Variants in NREP observed in about 807,000 individuals in gnomAD.
The protein encoded by NREP is neuronal regeneration related protein.
A neutral mutation model predicts 8.6 loss-of-function variants in NREP; 5 were observed. The observed-to-expected ratio is 0.58, with a 90% CI of 0.30 to 1.22. The LOEUF is 1.22. Among genes scored for constraint, NREP ranks in the 50% most tolerant of loss-of-function variants. NREP has a pLI of 0.07. For synonymous variants in NREP, 27 were observed against 28.0 expected (o/e 0.96, Z 0.11); for missense variants, 86 against 82.5 (o/e 1.04, Z -0.17).
chr5:111,886,404 G>T lies in NREP; in HGVS notation c.135+88870C>A, dbSNP rs1404277808. Reference sequence around the variant, plus strand: ...GTAAACTAGTTCAGCCATTGTGGAAGTCAGTGTGGTGATTCCTCAGGGATC... The same window carrying T: ...GTAAACTAGTTCAGCCATTGTGGAATTCAGTGTGGTGATTCCTCAGGGATC... On this transcript the variant is annotated intron_variant, in intron 2 of 3. Transcript: ENST00000395634. 3.3e-5 allele frequency among the ~76,000 whole-genome samples: 5 copies of T among 152,170 alleles called. No individual in the cohort carries two copies. In the East Asian group the frequency reaches 9.6e-4, roughly 29 times the overall value.
chr5:111,883,775 C>T (rs185286880), intron 2 of NREP, among the ~76,000 whole-genome samples: 8,783 of 151,998 alleles, frequency 0.058, 600 homozygotes, highest in East Asian at 0.23. Context: ...TTGAAACCAA[C>T]GAGAACAAAG....
At chr5:111,939,038 G>A (rs1437999118) in intron 2 of NREP, among the ~76,000 whole-genome samples, 2 of 151,940 alleles carry the variant, frequency 1.3e-5, no homozygotes, top group African/African-American at 2.4e-5. Flanking sequence ...ATCTATCTAG[G>A]ATAGACTCAC....
At chr5:111,924,623 G>T (rs1202904463) in intron 2 of NREP, among the ~76,000 whole-genome samples, 1 of 152,128 alleles carries the variant, frequency 6.6e-6, no homozygotes, top group African/African-American at 2.4e-5. Context: ...TTGGGTTTCT[G>T]CATCCCTAAT....
chr5:111,736,043 T>C (rs1049120688), intron 2 of NREP, among the ~76,000 whole-genome samples: 5 of 152,008 alleles, frequency 3.3e-5, no homozygotes, highest in African/African-American at 1.2e-4. Context: ...GGGAGATAGG[T>C]GTCATCACCA....
At chr5:111,790,027 C>G (rs168869) in intron 2 of NREP, among the ~76,000 whole-genome samples, 9,547 of 151,916 alleles carry the variant, frequency 0.063, 439 homozygotes, top group East Asian at 0.22. Flanking sequence ...TTACAGCCAT[C>G]AAGTAGTTTT....
At chr5:111,969,270 G>A (rs962026330) in intron 2 of NREP, among the ~76,000 whole-genome samples, 1 of 152,152 alleles carries the variant, frequency 6.6e-6, no homozygotes, top group Non-Finnish European at 1.5e-5. Flanking sequence ...ACACTGAAAG[G>A]GAGAAACAGG....
chr5:111,888,235 G>A (rs1754308626), intron 2 of NREP, among the ~76,000 whole-genome samples: 1 of 152,176 alleles, frequency 6.6e-6, no homozygotes, highest in South Asian at 2.1e-4. Flanking sequence ...TTTTATTTTA[G>A]TCTGTGCATT....
intron 2 of NREP, among the ~76,000 whole-genome samples, chr5:111,882,845 A>T (rs1210047876): frequency 6.6e-6 from 1 of 152,278 alleles, no homozygotes; most frequent in African/African-American, 2.4e-5. Flanking sequence ...ATGGAAAGGA[A>T]CAACCGGTAC....
chr5:111,831,805 G>A (rs1752774969), intron 2 of NREP, among the ~76,000 whole-genome samples: 1 of 152,188 alleles, frequency 6.6e-6, no homozygotes, highest in African/African-American at 2.4e-5. Context: ...CCTCAGGGAA[G>A]TCTGGTTGGC....
chr5:111,921,139 CCTCTCCT>C (rs1005709677), intron 2 of NREP, among the ~76,000 whole-genome samples: 7 of 152,128 alleles, frequency 4.6e-5, no homozygotes, highest in African/African-American at 1.7e-4. Flanking sequence ...AGTTGATCTA[CCTCTCCT>C]CTCTCCTCTC....
intron 2 of NREP, among the ~76,000 whole-genome samples, chr5:111,834,115 A>G (rs1489185376): frequency 6.6e-6 from 1 of 152,182 alleles, no homozygotes; most frequent in Non-Finnish European, 1.5e-5. Context: ...AGAAAACTAG[A>G]GCAAATGCCA....
chr5:111,941,514 G>T (rs1218510633), intron 2 of NREP, among the ~76,000 whole-genome samples: 1 of 151,932 alleles, frequency 6.6e-6, no homozygotes, highest in Non-Finnish European at 1.5e-5. Flanking sequence ...CCTCCTCTGC[G>T]CACTGTAAAC....
At chr5:111,827,782 GA>G (rs1164730269) in intron 2 of NREP, among the ~76,000 whole-genome samples, 1 of 151,986 alleles carries the variant, frequency 6.6e-6, no homozygotes, top group Admixed American at 6.6e-5. Flanking sequence ...GTTGGAGGTT[GA>G]AGTGAGTCGA....
At chr5:111,958,776 A>T (rs1756398858) in intron 2 of NREP, among the ~76,000 whole-genome samples, 1 of 152,008 alleles carries the variant, frequency 6.6e-6, no homozygotes. Flanking sequence ...ATTTGCAAAA[A>T]CACAGACAAG....
Position 111,885,743 on chromosome 5 carries a change from T to C in NREP, c.135+89531A>G, listed in dbSNP as rs556820664. On this transcript the variant is annotated intron_variant, in intron 2 of 3. Coordinates refer to the NREP transcript ENST00000395634. ...GGGAAAGGATTCCCTATTTAATAAA[T>C]GGTGCTGGGAAAACTGGCTAGCCAT... Among the ~76,000 whole-genome samples the C allele has an allele frequency of 2.7e-3, 414 of 152,292 alleles. 3 individuals are homozygous for C. Among genetic ancestry groups the C allele is most frequent in the African/African-American group, 9.3e-3 (386 of 41,562 alleles).
intron 2 of NREP, among the ~76,000 whole-genome samples, chr5:111,886,942 T>G (rs1360598123): frequency 6.6e-6 from 1 of 151,656 alleles, no homozygotes; most frequent in Non-Finnish European, 1.5e-5. Context: ...CTGCACATTG[T>G]GCACATGTAC....
intron 2 of NREP, among the ~76,000 whole-genome samples, chr5:111,886,429 C>T (rs1023288837): frequency 6.6e-6 from 1 of 152,062 alleles, no homozygotes; most frequent in African/African-American, 2.4e-5. Context: ...CCTCAGGGAT[C>T]TAGAACTAGA....
chr5:111,946,827 G>C (rs1182940528), intron 2 of NREP, among the ~76,000 whole-genome samples: 1 of 152,008 alleles, frequency 6.6e-6, no homozygotes, highest in East Asian at 1.9e-4. Flanking sequence ...TAATGTTACT[G>C]TTACAAGAGC....
intron 2 of NREP, among the ~76,000 whole-genome samples, chr5:111,812,592 T>A (rs1196226649): frequency 6.6e-6 from 1 of 152,288 alleles, no homozygotes; most frequent in East Asian, 1.9e-4. Context: ...AACAGATTTT[T>A]AAATTTTACC....
Sources: gnomAD v4.1 joint callset for allele counts (sites outside exome capture counted in the v4.1 genomes callset) on GRCh38, gnomAD v4.1.1 for gene constraint, MANE v1.5 for transcripts, NCBI Gene and HGNC (gene_info 2026-07-23, HGNC 2026-07-21) for gene names.